Variants in CDC42BPB observed in about 807,000 individuals in gnomAD.
The protein encoded by CDC42BPB is CDC42 binding protein kinase beta, also known as serine/threonine-protein kinase MRCK beta.
A neutral mutation model predicts 214.9 loss-of-function variants in CDC42BPB; 37 were observed. The observed-to-expected ratio is 0.17, with a 90% CI of 0.13 to 0.23. The LOEUF (loss-of-function observed/expected upper bound fraction) is 0.23. Among genes scored for constraint, CDC42BPB ranks in the 10% least tolerant of loss-of-function variants. CDC42BPB has a pLI of 1.00. For missense variants in CDC42BPB, 1,694 were observed against 2,227.0 expected (o/e 0.76, Z 4.82); for synonymous variants, 931 against 884.0 (o/e 1.05, Z -0.94).
chr14:103,011,698 C>T (rs746412321), intron 2 of CDC42BPB, among the ~76,000 whole-genome samples: 1 of 152,164 alleles, frequency 6.6e-6, no homozygotes, highest in African/African-American at 2.4e-5. Flanking sequence ...TAGCCAAGAT[C>T]GCGCCACTGC....
Position 102,975,970 on chromosome 14 carries a change from G to T in CDC42BPB, c.1300C>A (p.Leu434Met). Residue 434 changes from leucine (L) to methionine (M), a missense_variant, in exon 10 of 37, where the codon CTG becomes ATG. Transcript: ENST00000361246. ...LTKDEDVQRD[L>M]EHSLQMEAYE... ...GCTTCCATCTGCAGGCTGTGCTCCA[G>T]GTCCCGCTGCACATCCTCATCTTTG... 6.2e-7 allele frequency: 1 copy of T among 1,614,192 alleles called. No individual in the cohort carries two copies. The highest frequency in any genetic ancestry group is 8.5e-7 in the Non-Finnish European group (1 of 1,180,032).
intron 1 of CDC42BPB, among the ~76,000 whole-genome samples, chr14:103,056,180 G>A (rs1888936396): frequency 1.3e-5 from 2 of 152,084 alleles, no homozygotes; most frequent in Non-Finnish European, 1.5e-5. Context: ...ACGAACTAGA[G>A]AAGGCATGCA....
chr14:103,053,193 C>CA (rs1486004676), intron 1 of CDC42BPB, among the ~76,000 whole-genome samples: 11 of 150,958 alleles, frequency 7.3e-5, no homozygotes, highest in African/African-American at 2.7e-4. Flanking sequence ...ACTAAAAATA[C>CA]AAAAATTAGC....
chr14:102,950,616 A>C lies in CDC42BPB; in HGVS notation c.3173-14T>G, dbSNP rs1169274466. The C allele has an allele frequency of 6.4e-7, 1 of 1,551,030 alleles. No individual in the cohort carries two copies. The highest frequency in any genetic ancestry group is 2.3e-5 in the East Asian group (1 of 43,320). On this transcript the variant is annotated splice_polypyrimidine_tract_variant and intron_variant, in intron 24 of 36. Transcript: ENST00000361246. ...CAAAGGAACACACTGGAAGAGAGCA[A>C]GAACACTGCCTTCAAAGCTTGCTGC...
intron 36 of CDC42BPB, among the ~76,000 whole-genome samples, chr14:102,934,637 G>A (rs1891557164): frequency 6.6e-6 from 1 of 152,166 alleles, no homozygotes; most frequent in African/African-American, 2.4e-5. Context: ...CCTGAGAAAA[G>A]CACTAGGAAT....
chr14:103,035,841 AAAAAAAT>A (rs1887633660), intron 1 of CDC42BPB, among the ~76,000 whole-genome samples: 1 of 151,790 alleles, frequency 6.6e-6, no homozygotes, highest in Non-Finnish European at 1.5e-5. Context: ...CTCTGTCTCA[AAAAAAAT>A]AAAAAATAAA....
At chr14:102,994,708 G>C (rs1032553266) in intron 5 of CDC42BPB, among the ~76,000 whole-genome samples, 1 of 152,244 alleles carries the variant, frequency 6.6e-6, no homozygotes, top group Non-Finnish European at 1.5e-5. Context: ...AGGTGTGGGT[G>C]AAAGAGCCAT....
intron 1 of CDC42BPB, among the ~76,000 whole-genome samples, chr14:103,029,289 C>T (rs1887215511): frequency 6.6e-6 from 1 of 152,212 alleles, no homozygotes; most frequent in Non-Finnish European, 1.5e-5. Flanking sequence ...CGCTTGTAAT[C>T]CCAGCATTTT....
intron 1 of CDC42BPB, among the ~76,000 whole-genome samples, chr14:103,019,315 A>G (rs1106679): frequency 0.22 from 33,108 of 152,076 alleles, 5,931 homozygotes; most frequent in African/African-American, 0.49. Context: ...CAGCACTCAC[A>G]AGGCTCCAAG....
Position 103,032,539 on chromosome 14 carries a change from A to C in CDC42BPB, c.176-20351T>G, listed in dbSNP as rs28619945. Among the ~76,000 whole-genome samples the C allele has an allele frequency of 1.3e-3, 178 of 136,016 alleles. 1 individual carries two copies. The highest frequency in any genetic ancestry group is 5.2e-3 in the African/African-American group (152 of 29,118). 89.2% of individuals were successfully genotyped at this position (136,016 alleles called of 152,430 possible). On this transcript the variant is annotated intron_variant, in intron 1 of 36. Coordinates refer to ENST00000361246, the MANE Select transcript of CDC42BPB (RefSeq NM_006035.4). Reference sequence around the variant, plus strand: ...AATTCTTCCACAAATAAACTGCAAAAAAAAAAAAAAAAAAAAAGGAGAGAG... The same window carrying C: ...AATTCTTCCACAAATAAACTGCAAACAAAAAAAAAAAAAAAAAGGAGAGAG...
chr14:102,980,999 T>C lies in CDC42BPB; in HGVS notation c.914A>G (p.His305Arg). Residue 305 changes from histidine (H) to arginine (R), a missense_variant, in exon 8 of 37, where the codon CAT (histidine) becomes CGT (arginine). By Grantham distance (29) the His-to-Arg change is conservative. This residue lies in a region of CDC42BPB where 225 missense variants were observed against 459.3 expected (regional missense o/e 0.49). Coordinates refer to ENST00000361246, the MANE Select transcript of CDC42BPB (RefSeq NM_006035.4). ...CGCTTCTTCAGATACATCCGTGACA[T>C]GGGATGGGAACTGGAATCGCTCCTG... The part of the protein sequence containing the change: ...NHEERFQFPS[H>R]VTDVSEEAKD... 6.2e-7 allele frequency: 1 copy of C among 1,614,098 alleles called. No homozygotes were observed. Among genetic ancestry groups the C allele is most frequent in the Non-Finnish European group, 8.5e-7 (1 of 1,180,016 alleles).
At chr14:102,969,539 CA>C (rs1370071563) in intron 14 of CDC42BPB, among the ~76,000 whole-genome samples, 3 of 152,232 alleles carry the variant, frequency 2.0e-5, no homozygotes, top group African/African-American at 7.2e-5. Context: ...GCCCACGTCC[CA>C]GAGGAAGAGT....
rs1893713142 is a variant in CDC42BPB at position 102,975,816 on chromosome 14, G to A, written c.1388-13C>T. The A allele has an allele frequency of 6.2e-7, 1 of 1,614,052 alleles. No homozygotes were observed. The highest frequency in any genetic ancestry group is 8.5e-7 in the Non-Finnish European group (1 of 1,180,020). On this transcript the variant is annotated splice_polypyrimidine_tract_variant and intron_variant, in intron 10 of 36. Coordinates refer to ENST00000361246, the MANE Select transcript of CDC42BPB (RefSeq NM_006035.4). ...GTCTGGGTGGACTCTGAGGGATGGA[G>A]AGACAGCGTGAGGTGCAGCCTGGCC...
In CDC42BPB at chr14:102,968,454, A is replaced by C. The variant is rs192901539; in HGVS notation, c.2240+18T>G. On this transcript the variant is annotated intron_variant, in intron 15 of 36. Transcript: ENST00000361246. ...ATCAGCTTGCATCTTCTGAACTGAG[A>C]AGCTCATGAAAACCTACCGTTCTCG... is the stretch of plus-strand genomic sequence containing the variant. 2.4e-4 allele frequency: 386 copies of C among 1,613,726 alleles called. 2 individuals are homozygous for C. The East Asian group carries it at 8.2e-3, about 34-fold the overall frequency.
intron 2 of CDC42BPB, among the ~76,000 whole-genome samples, chr14:103,009,619 A>G (rs1886039451): frequency 6.6e-6 from 1 of 152,226 alleles, no homozygotes; most frequent in Non-Finnish European, 1.5e-5. Context: ...ACCGTAAACC[A>G]TTCTGTTAAA....
In CDC42BPB at chr14:102,933,725, G is replaced by A; in HGVS notation, c.5123C>T (p.Ala1708Val). 6.8e-7 allele frequency: 1 copy of A among 1,478,078 alleles called. No individual in the cohort carries two copies. Among genetic ancestry groups the A allele is most frequent in the Admixed American group, 3.2e-5 (1 of 31,372 alleles). The allele number at this position is 1,478,078 out of a possible 1,614,324, so 91.6% of individuals were successfully genotyped here. The change falls in exon 37 of 37, where the codon GCC becomes GTC. Residue 1708 changes from alanine (A) to valine (V), a missense_variant. This residue lies in a region of CDC42BPB where 146 missense variants were observed against 134.1 expected (regional missense o/e 1.09). Transcript: ENST00000361246. ...QLPLEGLEQP[A>V]CDT ...GAGCTGGCGGCTTCAGGTGTCACAG[G>A]CCGGCTGCTCCAGGCCTTCGAGGGG...
intron 21 of CDC42BPB, among the ~76,000 whole-genome samples, chr14:102,958,526 G>A (rs541900449): frequency 6.6e-5 from 10 of 152,192 alleles, no homozygotes; most frequent in East Asian, 1.9e-4. Context: ...TATGCTTTGC[G>A]TGCTGCTATC....
chr14:103,010,151 G>A (rs188952605), intron 2 of CDC42BPB, among the ~76,000 whole-genome samples: 1 of 152,294 alleles, frequency 6.6e-6, no homozygotes, highest in African/African-American at 2.4e-5. Flanking sequence ...GCCGGGCGTG[G>A]TGGCACATGC....
chr14:102,960,592 AGAGT>A (rs1338750005), intron 20 of CDC42BPB, among the ~76,000 whole-genome samples: 1 of 152,184 alleles, frequency 6.6e-6, no homozygotes, highest in Non-Finnish European at 1.5e-5. Context: ...CCTGGGTGAC[AGAGT>A]GAGACCCTGT....
Sources: allele counts gnomAD v4.1 joint callset (sites outside exome capture counted in the v4.1 genomes callset), GRCh38; gene constraint gnomAD v4.1.1; regional missense constraint gnomAD v4.1.1; transcripts MANE v1.5; gene names NCBI Gene and HGNC (gene_info 2026-07-23, HGNC 2026-07-21).